Variants in ATG2B observed in about 807,000 individuals in gnomAD.
ATG2B encodes autophagy-related protein 2 homolog B.
ATG2B carries 121 observed loss-of-function variants against 241.3 expected under a neutral mutation model. That is an observed-to-expected ratio of 0.50 (90% confidence interval 0.43 to 0.58). The LOEUF (loss-of-function observed/expected upper bound fraction) is 0.58. Among genes scored for constraint, ATG2B ranks in the 20% least tolerant of loss-of-function variants. The pLI, the probability that ATG2B is intolerant of heterozygous loss-of-function variation, is 0.00. For missense variants in ATG2B, 2,306 were observed against 2,491.6 expected (o/e 0.93, Z 1.59); for synonymous variants, 858 against 876.6 (o/e 0.98, Z 0.37).
rs963526967 is a variant in ATG2B at position 96,347,401 on chromosome 14, T to G, written c.163-60A>C. The G allele has an allele frequency of 5.0e-6, 7 of 1,391,258 alleles. No homozygotes were observed. In the African/African-American group the frequency reaches 9.9e-5, roughly 20 times the overall value. 86.2% of individuals were successfully genotyped at this position (1,391,258 alleles called of 1,614,324 possible). A position where few individuals can be genotyped will look rare whatever the true frequency, so the allele number is the denominator to read the frequency against. On this transcript the variant is annotated intron_variant, in intron 1 of 41. Coordinates refer to ENST00000359933, the MANE Select transcript of ATG2B (RefSeq NM_018036.7). Reference sequence around the variant, plus strand: ...AGAACAAGAACACAAAGTTGTGAACTTATTCAAAGGTGTCAAATATGCCCA... The same window carrying G: ...AGAACAAGAACACAAAGTTGTGAACGTATTCAAAGGTGTCAAATATGCCCA...
At position 96,341,609 on chromosome 14, in the gene ATG2B, A is replaced by G; in HGVS notation, c.837T>C (p.Pro279=). 6.2e-7 allele frequency: 1 copy of G among 1,606,008 alleles called. No homozygotes were observed. Among genetic ancestry groups the G allele is most frequent in the South Asian group, 1.1e-5 (1 of 89,748 alleles). Residue 279 remains proline (P), a synonymous_variant, in exon 6 of 42, where the codon CCT becomes CCC. Coordinates refer to ENST00000359933, the MANE Select transcript of ATG2B (RefSeq NM_018036.7). ...ACCGTCCAATCTGCACTGGGTCAGAAGGTGCTATCTCTGGTAAATTTCTAG... is the reference window on the plus strand; with the variant it reads ...ACCGTCCAATCTGCACTGGGTCAGAGGGTGCTATCTCTGGTAAATTTCTAG... ...QLTRNLPEIA[P]SDPVQIGRLI... is the part of the protein sequence containing the mutation.
chr14:96,317,896 G>T (rs780271414), intron 18 of ATG2B, 41 bp from the exon 19 acceptor site: 4 of 1,364,716 alleles, frequency 2.9e-6, no homozygotes, highest in South Asian at 3.6e-5. Context: ...TTAACTCCTA[G>T]TTCAACAGAA....
At chr14:96,308,268 A>T (rs12883607) in intron 29 of ATG2B, among the ~76,000 whole-genome samples, 1 of 15,348 alleles carries the variant, frequency 6.5e-5, no homozygotes, top group African/African-American at 2.3e-4. Context: ...ATATATATAT[A>T]TATATATATA....
rs796823744 is a variant in ATG2B at position 96,313,418 on chromosome 14, A to G, written c.3660T>C (p.Asn1220=). Residue 1220 remains asparagine (N), a synonymous_variant, in exon 24 of 42, where the codon AAT becomes AAC. Transcript: ENST00000359933. ...SWHEQILYFL[N]IADEPVLGYN... ...ATCCCAAAACAGGTTCATCAGCAAT[A>G]TTCAAGAAGTATAAAATCTATAATC... 5 of 1,568,158 alleles carry G rather than the reference A, an allele frequency of 3.2e-6. No homozygotes were observed. The African/African-American group carries it at 6.9e-5, about 22-fold the overall frequency.
Position 96,311,569 on chromosome 14 carries a change from T to C in ATG2B, c.3963A>G (p.Ala1321=), listed in dbSNP as rs2139859113. The C allele has an allele frequency of 1.2e-6, 2 of 1,609,644 alleles. No individual in the cohort carries two copies. Among genetic ancestry groups the C allele is most frequent in the South Asian group, 2.2e-5 (2 of 90,132 alleles). The change falls in exon 27 of 42, where the codon GCA becomes GCG. Residue 1321 remains alanine (A), a synonymous_variant. Transcript: ENST00000359933. ...GCTCTCCATCAGAATCAGACTTCAC[T>C]GCAGTTATGGTTAACTCCAAAAGCC... ...DMGLLELTIT[A]VKSDSDGEQT... is the part of the protein sequence containing the mutation.
chr14:96,350,303 G>A (rs1002476858), intron 1 of ATG2B, among the ~76,000 whole-genome samples: 14 of 152,136 alleles, frequency 9.2e-5, no homozygotes, highest in Non-Finnish European at 1.5e-4. Flanking sequence ...TATGAAAGAG[G>A]AGCCTGCAGA....
Position 96,290,412 on chromosome 14 carries a change from G to T in ATG2B, c.5856+24C>A. The T allele has an allele frequency of 6.2e-7, 1 of 1,612,292 alleles. No homozygotes were observed. The highest frequency in any genetic ancestry group is 1.1e-5 in the South Asian group (1 of 90,854). On this transcript the variant is annotated intron_variant, in intron 40 of 41. Coordinates refer to ENST00000359933, the MANE Select transcript of ATG2B (RefSeq NM_018036.7). This position sits in a 1 kb window ranked among gnomAD's most constrained non-coding sequence, Gnocchi z 4.4. ...ATTTCACAATGGCTCTTTTTGGATA[G>T]ACTAAGGCAGTCTAAAAAGATACCT...
chr14:96,324,754 T>C (rs1414625274), intron 15 of ATG2B, among the ~76,000 whole-genome samples: 1 of 152,168 alleles, frequency 6.6e-6, no homozygotes, highest in African/African-American at 2.4e-5. Context: ...ATAATGAGTT[T>C]CTCACCACTG....
intron 34 of ATG2B, among the ~76,000 whole-genome samples, chr14:96,298,102 A>G (rs920151824): frequency 2.0e-5 from 3 of 152,042 alleles, no homozygotes; most frequent in Non-Finnish European, 2.9e-5. Flanking sequence ...GACCCAAACA[A>G]CCCAATTTTA....
rs1337527984 is a variant in ATG2B at position 96,317,709 on chromosome 14, G to T, written c.3026C>A (p.Ala1009Glu). 1 of 1,605,428 alleles carries T rather than the reference G, an allele frequency of 6.2e-7. No homozygotes were observed. Among genetic ancestry groups the T allele is most frequent in the South Asian group, 1.1e-5 (1 of 89,232 alleles). The change falls in exon 19 of 42, where the codon GCA becomes GAA. Residue 1009 changes from alanine to glutamate, a missense_variant. This residue lies in a region of ATG2B where 1,927 missense variants were observed against 2,011.2 expected (regional missense o/e 0.96). Transcript: ENST00000359933. ...NKDSFSAFKS[A>E]VHYDEESGSE... ...TAAAAATATATTACCATAGTGAACT[G>T]CAGATTTAAATGCACTAAAACTATC...
At chr14:96,334,180 T>C (rs1287431717) in intron 7 of ATG2B, among the ~76,000 whole-genome samples, 2 of 152,218 alleles carry the variant, frequency 1.3e-5, no homozygotes, top group African/African-American at 4.8e-5. Flanking sequence ...AGAACAATTT[T>C]AGAAAAGTTA....
Position 96,315,218 on chromosome 14 carries a change from A to G in ATG2B, c.3578T>C (p.Val1193Ala), listed in dbSNP as rs1887274586. The part of the protein sequence containing the change: ...ESNTKEFLIA[V>A]GLKGATLQHR... ...CTGGAGAGTGGCTCCTTTCAGTCCT[A>G]CGGCAATGAGAAATTCCTATACAGA... The change falls in exon 23 of 42, where the codon GTA becomes GCA. Residue 1193 changes from valine to alanine, a missense_variant. Coordinates refer to ENST00000359933, the MANE Select transcript of ATG2B (RefSeq NM_018036.7). 1 of 1,613,906 alleles carries G rather than the reference A, an allele frequency of 6.2e-7. No homozygotes were observed. Among genetic ancestry groups the G allele is most frequent in the African/African-American group, 1.3e-5 (1 of 74,934 alleles).
At chr14:96,312,570 C>T (rs752169387) in intron 25 of ATG2B, among the ~76,000 whole-genome samples, 2 of 152,162 alleles carry the variant, frequency 1.3e-5, no homozygotes, top group Admixed American at 1.3e-4. Context: ...AGCAAGACCC[C>T]TTCTCTACAA....
In ATG2B at chr14:96,280,687, C is replaced by G. The variant is rs1414936527; in HGVS notation, c.*5068G>C. 1.3e-5 allele frequency: 2 copies of G among 152,160 alleles called. No homozygotes were observed. Among genetic ancestry groups the G allele is most frequent in the Non-Finnish European group, 2.9e-5 (2 of 68,020 alleles). The allele number at this position is 152,160 out of a possible 1,614,324, so 9.4% of individuals were successfully genotyped here. On this transcript the variant is annotated 3_prime_UTR_variant, in exon 42 of 42. Transcript: ENST00000359933. ...GAGTTCGAGACCAGGCTGAGGTTAA[C>G]CTGGCCAACACGGTGAAACCTCGTC... is the stretch of plus-strand genomic sequence containing the variant.
In ATG2B at chr14:96,293,560, C is replaced by T. The variant is rs534298688; in HGVS notation, c.5426+1400G>A. ...TCTCATGACATTACTAAAAACTGTACTGGATTTTCTGGATTAGAGATAAGA... is the reference window on the plus strand; with the variant it reads ...TCTCATGACATTACTAAAAACTGTATTGGATTTTCTGGATTAGAGATAAGA... On this transcript the variant is annotated intron_variant, in intron 36 of 41. Coordinates refer to ENST00000359933, the MANE Select transcript of ATG2B (RefSeq NM_018036.7). Among the ~76,000 whole-genome samples the T allele has an allele frequency of 3.3e-5, 5 of 152,220 alleles. No individual in the cohort carries two copies. In the East Asian group the frequency reaches 5.8e-4, roughly 18 times the overall value.
Position 96,332,514 on chromosome 14 carries a change from A to C in ATG2B, c.1349T>G (p.Leu450Ter). ...GTAATACTTTACCACAGTAGCACTT[A>C]ATGGAGATCCTGCTGGGGTATTTGT... ...TYTNTPAGSP[L>*]SATVLQPTWG... Residue 450 changes from leucine (L) to a stop codon, truncating the protein, a stop_gained, in exon 9 of 42, where the codon TTA (leucine) becomes TGA (stop). Coordinates refer to ENST00000359933, the MANE Select transcript of ATG2B (RefSeq NM_018036.7). LOFTEE classifies it high-confidence loss of function. 6.2e-7 allele frequency: 1 copy of C among 1,610,110 alleles called. No homozygotes were observed.
At chr14:96,292,270 T>C (rs1399278639) in intron 36 of ATG2B, among the ~76,000 whole-genome samples, 172 bp from the exon 37 acceptor site, 2 of 152,212 alleles carry the variant, frequency 1.3e-5, no homozygotes, top group Non-Finnish European at 1.5e-5. Flanking sequence ...CTTTTCCTAA[T>C]ATAACAATTA....
intron 10 of ATG2B, among the ~76,000 whole-genome samples, chr14:96,332,023 T>C (rs959093853): frequency 1.3e-5 from 2 of 151,948 alleles, no homozygotes; most frequent in African/African-American, 4.8e-5. Context: ...GAAACAAAAA[T>C]CACATGATTG....
intron 1 of ATG2B, 65 bp from the exon 2 acceptor site, chr14:96,347,406 C>G: frequency 7.6e-7 from 1 of 1,316,706 alleles, no homozygotes; most frequent in Admixed American, 2.0e-5. Flanking sequence ...TGAACTTATT[C>G]AAAGGTGTCA....
Sources: gnomAD v4.1 joint callset for allele counts (sites outside exome capture counted in the v4.1 genomes callset) on GRCh38, gnomAD v4.1.1 for gene constraint, gnomAD v4.1.1 regional missense constraint, Gnocchi (gnomAD v3.1) non-coding constraint, MANE v1.5 for transcripts, NCBI Gene and HGNC (gene_info 2026-07-23, HGNC 2026-07-21) for gene names.